The following KCNMB2 variants were observed in gnomAD, a reference collection of about 807,000 sequenced individuals.
The protein encoded by KCNMB2 is potassium calcium-activated channel subfamily M regulatory beta subunit 2, also known as calcium-activated potassium channel subunit beta-2.
A neutral mutation model predicts 24.5 loss-of-function variants in KCNMB2; 9 were observed. That is an observed-to-expected ratio of 0.37 (90% CI 0.22 to 0.64). The LOEUF (loss-of-function observed/expected upper bound fraction) is 0.64. KCNMB2 is among the 30% of genes least tolerant of loss of function. KCNMB2 has a pLI of 0.63. For synonymous variants in KCNMB2, 109 were observed against 104.4 expected (o/e 1.04, Z -0.27); for missense variants, 226 against 284.3 (o/e 0.79, Z 1.47).
intron 1 of KCNMB2, among the ~76,000 whole-genome samples, chr3:178,803,086 T>C (rs1395932175): frequency 1.3e-5 from 2 of 152,202 alleles, no homozygotes; most frequent in East Asian, 3.8e-4. Context: ...TTGTTTTACT[T>C]AGTCTCCCAA....
At chr3:178,687,577 C>T (rs534083150) in intron 1 of KCNMB2, among the ~76,000 whole-genome samples, 30 of 151,160 alleles carry the variant, frequency 2.0e-4, no homozygotes, top group Admixed American at 7.9e-4. Flanking sequence ...GCAAACAGCA[C>T]GGTAGGGCAG....
intron 1 of KCNMB2, among the ~76,000 whole-genome samples, chr3:178,752,232 T>C (rs1449541159): frequency 6.6e-6 from 1 of 152,212 alleles, no homozygotes; most frequent in Non-Finnish European, 1.5e-5. Context: ...AAGAGAACTA[T>C]AAACATAGAA....
At chr3:178,836,497 G>A (rs900172973) in intron 4 of KCNMB2, among the ~76,000 whole-genome samples, 2 of 152,076 alleles carry the variant, frequency 1.3e-5, no homozygotes, top group Non-Finnish European at 2.9e-5. Flanking sequence ...GTACTAAAGA[G>A]AAGTTTCTGT....
chr3:178,832,209 T>G (rs13066302), intron 4 of KCNMB2, among the ~76,000 whole-genome samples: 17,322 of 152,210 alleles, frequency 0.11, 1,178 homozygotes, highest in Non-Finnish European at 0.15. Flanking sequence ...ATTTTATTTT[T>G]CTTCTGGAAG....
chr3:178,675,247 T>TTTGTGAAAA (rs1240342805), intron 1 of KCNMB2, among the ~76,000 whole-genome samples: 1 of 152,236 alleles, frequency 6.6e-6, no homozygotes, highest in Non-Finnish European at 1.5e-5. Context: ...TTAATAAGCA[T>TTTGTGAAAA]TTGTGAAAAG....
At chr3:178,566,279 T>C (rs1364248369) in intron 1 of KCNMB2, among the ~76,000 whole-genome samples, 3 of 152,242 alleles carry the variant, frequency 2.0e-5, no homozygotes, top group African/African-American at 7.2e-5. Flanking sequence ...ATGTTTAGAA[T>C]GTGCAGTTTA....
At chr3:178,663,336 A>G (rs1720602171) in intron 1 of KCNMB2, among the ~76,000 whole-genome samples, 1 of 152,138 alleles carries the variant, frequency 6.6e-6, no homozygotes, top group Admixed American at 6.6e-5. Context: ...AAGATATGTT[A>G]CCCAGAATAT....
chr3:178,732,202 A>G (rs1250025519), intron 1 of KCNMB2, among the ~76,000 whole-genome samples: 1 of 152,246 alleles, frequency 6.6e-6, no homozygotes, highest in Non-Finnish European at 1.5e-5. Flanking sequence ...AAATTTTTGT[A>G]AAATAATAAT....
rs148083569 is a variant in KCNMB2, at chr3:178,578,294, G to A, written c.-68+41583G>A. Among the ~76,000 whole-genome samples, 534 of 152,262 alleles carry A rather than the reference G, an allele frequency of 3.5e-3. 2 individuals are homozygous for A. Among genetic ancestry groups the A allele is most frequent in the Middle Eastern group, 0.027 (8 of 294 alleles). ...TGCCAAACTAAGCTTCATAAGCAAA[G>A]GAGAAATCAATTAGTTTACAGACAA... On this transcript the variant is annotated intron_variant, in intron 1 of 4. Coordinates refer to ENST00000452583, the MANE Select transcript of KCNMB2 (RefSeq NM_181361.3).
At chr3:178,779,449 G>A (rs1001481988) in intron 1 of KCNMB2, among the ~76,000 whole-genome samples, 6 of 152,140 alleles carry the variant, frequency 3.9e-5, no homozygotes, top group Non-Finnish European at 8.8e-5. Flanking sequence ...AAGAACAAGG[G>A]AGAACATGAC....
rs535696914 is a variant in KCNMB2, at chr3:178,592,034, T to C, written c.-68+55323T>C. Among the ~76,000 whole-genome samples, 4 of 152,316 alleles carry C rather than the reference T, an allele frequency of 2.6e-5. No homozygotes were observed. The South Asian group carries it at 6.2e-4, about 24-fold the overall frequency. On this transcript the variant is annotated intron_variant, in intron 1 of 4. Coordinates refer to ENST00000452583, the MANE Select transcript of KCNMB2 (RefSeq NM_181361.3). ...TCGGTTTTAGCCCAATGTGAATTTTTATAATAACCCAGTTCAAGTTTGTAT... is the reference window on the plus strand; with the variant it reads ...TCGGTTTTAGCCCAATGTGAATTTTCATAATAACCCAGTTCAAGTTTGTAT...
chr3:178,596,834 C>T (rs1022403882), intron 1 of KCNMB2, among the ~76,000 whole-genome samples: 1 of 152,128 alleles, frequency 6.6e-6, no homozygotes, highest in Non-Finnish European at 1.5e-5. Context: ...GTACCAGACA[C>T]TAAATCTGTC....
In KCNMB2 at chr3:178,807,384, G is replaced by T. The variant is rs1174420045; in HGVS notation, c.-26G>T. 4 of 1,609,048 alleles carry T rather than the reference G, an allele frequency of 2.5e-6. No individual in the cohort carries two copies. In the Admixed American group the frequency reaches 6.7e-5, roughly 27 times the overall value. ...TCCAGGACATCCACCATAAGGAAAG[G>T]AGACCCTGGACCAACATTCTCTAAG... On this transcript the variant is annotated 5_prime_UTR_variant, in exon 2 of 5. Transcript: ENST00000452583.
chr3:178,605,661 A>G (rs1718245582), intron 1 of KCNMB2, among the ~76,000 whole-genome samples: 3 of 152,190 alleles, frequency 2.0e-5, no homozygotes, highest in Admixed American at 1.3e-4. Context: ...CAAAAGTCAG[A>G]CAGAAATGAG....
rs1560008846 is a variant in KCNMB2, at chr3:178,759,335, CTCCAAGAGGATATATATATATATATA to C, written c.-67-48005_-67-47980del. Among the ~76,000 whole-genome samples the C allele has an allele frequency of 4.6e-3, 378 of 82,992 alleles. 55 individuals are homozygous for C. The highest frequency in any genetic ancestry group is 0.019 in the African/African-American group (339 of 17,434). The allele number at this position is 82,992 out of a possible 152,430, so 54.4% of individuals were successfully genotyped here. ...CAAGAGGATATATATATATATATATCTCCAAGAGGATATATATATATATATATCTCCAAGAGGATATATATATATAT... is the reference window on the plus strand; with the variant it reads ...CAAGAGGATATATATATATATATATCTCTCCAAGAGGATATATATATATAT... On this transcript the variant is annotated intron_variant, in intron 1 of 4. Coordinates refer to ENST00000452583, the MANE Select transcript of KCNMB2 (RefSeq NM_181361.3).
chr3:178,587,276 C>T (rs865775641), intron 1 of KCNMB2, among the ~76,000 whole-genome samples: 1 of 151,788 alleles, frequency 6.6e-6, no homozygotes, highest in Admixed American at 6.6e-5. Flanking sequence ...CTAGATAATC[C>T]CTAATAAATT....
At chr3:178,582,544 A>G (rs1206826309) in intron 1 of KCNMB2, among the ~76,000 whole-genome samples, 1 of 152,160 alleles carries the variant, frequency 6.6e-6, no homozygotes, top group African/African-American at 2.4e-5. Flanking sequence ...AGCATAACAA[A>G]TATTTTAATT....
chr3:178,641,237 C>G (rs1438200827), intron 1 of KCNMB2, among the ~76,000 whole-genome samples: 1 of 152,082 alleles, frequency 6.6e-6, no homozygotes, highest in Non-Finnish European at 1.5e-5. Flanking sequence ...AAACAGCTTC[C>G]TGGAATTTTG....
At chr3:178,791,218 G>A (rs1713311310) in intron 1 of KCNMB2, among the ~76,000 whole-genome samples, 1 of 152,136 alleles carries the variant, frequency 6.6e-6, no homozygotes, top group Admixed American at 6.5e-5. Context: ...AAGCTCAATG[G>A]AATTCAAGAC....
Sources: allele counts gnomAD v4.1 joint callset (sites outside exome capture counted in the v4.1 genomes callset), GRCh38; gene constraint gnomAD v4.1.1; transcripts MANE v1.5; gene names NCBI Gene and HGNC (gene_info 2026-07-23, HGNC 2026-07-21).